The following SAMD12 variants were observed in gnomAD, a reference collection of about 807,000 sequenced individuals.
SAMD12 encodes sterile alpha motif domain-containing protein 12.
A neutral mutation model predicts 15.0 loss-of-function variants in SAMD12; 9 were observed. The observed-to-expected ratio is 0.60, with a 90% confidence interval of 0.36 to 1.05. The LOEUF is 1.05. Among genes scored for constraint, SAMD12 ranks in the 50% least tolerant of loss-of-function variants. The pLI is 0.01. For synonymous variants in SAMD12, 86 were observed against 90.1 expected (o/e 0.96, Z 0.25); for missense variants, 230 against 234.2 (o/e 0.98, Z 0.12).
intron 4 of SAMD12, among the ~76,000 whole-genome samples, chr8:118,269,433 A>T (rs984627770): frequency 1.3e-5 from 2 of 152,130 alleles, no homozygotes; most frequent in African/African-American, 4.8e-5. Context: ...ATGTGAAGAA[A>T]ATGAGGCCCA....
At chr8:118,447,492 A>T (rs548766091) in intron 2 of SAMD12, among the ~76,000 whole-genome samples, 16 of 151,770 alleles carry the variant, frequency 1.1e-4, no homozygotes, top group Admixed American at 2.6e-4. Flanking sequence ...ATTAGTAGAG[A>T]TGGGGTTTCA....
intron 4 of SAMD12, among the ~76,000 whole-genome samples, chr8:118,365,811 C>T (rs77637281): frequency 6.6e-6 from 1 of 152,050 alleles, no homozygotes; most frequent in South Asian, 2.1e-4. Context: ...TCTATAGTCG[C>T]CAAGCACCAC....
chr8:118,555,652 G>C (rs947606960), intron 2 of SAMD12, among the ~76,000 whole-genome samples: 2 of 152,100 alleles, frequency 1.3e-5, no homozygotes, highest in African/African-American at 4.8e-5. Context: ...TAAATAAGAG[G>C]TCTGTTCCAC....
chr8:118,550,292 C>G (rs1386524187), intron 2 of SAMD12, among the ~76,000 whole-genome samples: 5 of 152,196 alleles, frequency 3.3e-5, no homozygotes, highest in Non-Finnish European at 5.9e-5. Flanking sequence ...GGTCGGGTTA[C>G]CCACAAAGGG....
chr8:118,550,089 G>C (rs1212999556), intron 2 of SAMD12, among the ~76,000 whole-genome samples: 1 of 152,202 alleles, frequency 6.6e-6, no homozygotes, highest in Non-Finnish European at 1.5e-5. Flanking sequence ...ATGGAACCAA[G>C]CTGGAAAACA....
intron 4 of SAMD12, among the ~76,000 whole-genome samples, chr8:118,278,741 C>G (rs929807226): frequency 1.3e-5 from 2 of 152,114 alleles, no homozygotes; most frequent in East Asian, 1.9e-4. Flanking sequence ...GGTCAGTAAA[C>G]AAACATGCAA....
intron 4 of SAMD12, among the ~76,000 whole-genome samples, chr8:118,259,576 G>GC (rs1220098764): frequency 6.6e-6 from 1 of 152,028 alleles, no homozygotes; most frequent in Non-Finnish European, 1.5e-5. Flanking sequence ...CGCTTATGTG[G>GC]CCCCTCTCAG....
chr8:118,386,591 A>G (rs1819975362), intron 3 of SAMD12, among the ~76,000 whole-genome samples: 1 of 152,210 alleles, frequency 6.6e-6, no homozygotes, highest in South Asian at 2.1e-4. Flanking sequence ...GTTTCTGACT[A>G]CGGCACAGGG....
At chr8:118,301,252 G>A (rs1348047392) in intron 4 of SAMD12, among the ~76,000 whole-genome samples, 1 of 152,134 alleles carries the variant, frequency 6.6e-6, no homozygotes, top group Non-Finnish European at 1.5e-5. Flanking sequence ...TCAACATGGG[G>A]ACCTATAACA....
the SAMD12 span, among the ~76,000 whole-genome samples, chr8:118,140,614 T>C: frequency 6.6e-5 from 10 of 152,106 alleles, no homozygotes; most frequent in African/African-American, 1.9e-4. Context: ...GCAATCTGTA[T>C]TGGGGGTAAG....
intron 4 of SAMD12, among the ~76,000 whole-genome samples, chr8:118,306,823 AG>A (rs1012503493): frequency 7.9e-5 from 12 of 152,204 alleles, no homozygotes; most frequent in African/African-American, 2.9e-4. Flanking sequence ...CATTAAAGCA[AG>A]GTCCTTGATC....
At chr8:118,136,039 T>C in the SAMD12 span, among the ~76,000 whole-genome samples, 2 of 151,058 alleles carry the variant, frequency 1.3e-5, no homozygotes, top group South Asian at 2.1e-4. Flanking sequence ...TTCCTTTTTC[T>C]TTTTTTTTAG....
chr8:118,402,352 A>G (rs1192446325), intron 3 of SAMD12, among the ~76,000 whole-genome samples: 1 of 152,216 alleles, frequency 6.6e-6, no homozygotes, highest in African/African-American at 2.4e-5. Context: ...AGCCCTTAAT[A>G]AAAGGCAAGA....
At chr8:118,491,719 G>T (rs1027721069) in intron 2 of SAMD12, among the ~76,000 whole-genome samples, 1 of 151,972 alleles carries the variant, frequency 6.6e-6, no homozygotes, top group Non-Finnish European at 1.5e-5. Flanking sequence ...GCATGTGTCT[G>T]GCTTCCTTCA....
In SAMD12 at chr8:118,379,097, C is replaced by T. The variant is rs1010051501; in HGVS notation, c.*320G>A. 25 of 1,068,498 alleles carry T rather than the reference C, an allele frequency of 2.3e-5. 1 individual carries two copies. Among genetic ancestry groups the T allele is most frequent in the Admixed American group, 4.7e-5 (1 of 21,332 alleles). The allele number at this position is 1,068,498 out of a possible 1,614,324, so 66.2% of individuals were successfully genotyped here. On this transcript the variant is annotated 3_prime_UTR_variant, in exon 4 of 4. Transcript: ENST00000314727. ...GGTGAAAAGCAAAACAAAAATACAA[C>T]AAAAACTCCACTTATATCACTGGTC... is the stretch of plus-strand genomic sequence containing the variant.
chr8:118,365,010 T>C (rs1242887524), intron 4 of SAMD12, among the ~76,000 whole-genome samples: 1 of 152,212 alleles, frequency 6.6e-6, no homozygotes, highest in Non-Finnish European at 1.5e-5. Flanking sequence ...TATAGAAATC[T>C]GATTAGGACA....
At chr8:118,176,027 C>T in the SAMD12 span, among the ~76,000 whole-genome samples, 215 of 152,218 alleles carry the variant, frequency 1.4e-3, 7 homozygotes, top group East Asian at 0.039. Flanking sequence ...TTTGGCCAGG[C>T]GTGGTGGCTC....
rs200479540 is a variant in SAMD12, at chr8:118,468,488, G to A, written c.193-28527C>T. ...CAAAGAGAGAGCCAGTGAGGCACAC[G>A]GTTCTTCAGAGAGCTCTGTTGATAT... On this transcript the variant is annotated intron_variant, in intron 2 of 3. Coordinates refer to ENST00000314727, the MANE Select transcript of SAMD12 (RefSeq NM_207506.3). Among the ~76,000 whole-genome samples, 115 of 152,154 alleles carry A rather than the reference G, an allele frequency of 7.6e-4. 1 individual carries two copies. The highest frequency in any genetic ancestry group is 3.4e-3 in the Middle Eastern group (1 of 294).
At chr8:118,451,988 T>A (rs2130917137) in intron 2 of SAMD12, among the ~76,000 whole-genome samples, 1 of 152,258 alleles carries the variant, frequency 6.6e-6, no homozygotes, top group Non-Finnish European at 1.5e-5. Context: ...GACAGGGCCT[T>A]TAGGGAAGTA....
Sources: gnomAD v4.1 joint callset for allele counts (sites outside exome capture counted in the v4.1 genomes callset) on GRCh38, gnomAD v4.1.1 for gene constraint, MANE v1.5 for transcripts, NCBI Gene and HGNC (gene_info 2026-07-23, HGNC 2026-07-21) for gene names.